WWOX: variants seen among roughly 807,000 people sequenced by gnomAD.
WWOX encodes the protein WW domain containing oxidoreductase, also known as WW domain-containing oxidoreductase.
WWOX carries 69 observed loss-of-function variants against 46.2 expected under a neutral mutation model. That is an observed-to-expected ratio of 1.49 (90% CI 1.23 to 1.82). The LOEUF (loss-of-function observed/expected upper bound fraction) is 1.82, where lower values mean the gene tolerates loss of function less well. Among genes scored for constraint, WWOX ranks in the 40% most tolerant of loss-of-function variants. WWOX has a pLI of 0.00. For synonymous variants in WWOX, 359 were observed against 202.6 expected (o/e 1.77, Z -6.56); for missense variants, 919 against 542.6 (o/e 1.69, Z -6.89).
At chr16:79,100,525 C>T (rs911158166) in intron 8 of WWOX, among the ~76,000 whole-genome samples, 1 of 152,098 alleles carries the variant, frequency 6.6e-6, no homozygotes, top group Admixed American at 6.5e-5. Flanking sequence ...CCTCTGAATA[C>T]CCCGTTAGTT....
chr16:78,851,176 C>G (rs986536747), intron 8 of WWOX, among the ~76,000 whole-genome samples: 1 of 152,150 alleles, frequency 6.6e-6, no homozygotes, highest in Non-Finnish European at 1.5e-5. Context: ...AGAAATTAGA[C>G]TTTGTGAGCC....
chr16:79,132,036 A>C (rs186413967), intron 8 of WWOX, among the ~76,000 whole-genome samples: 4 of 152,170 alleles, frequency 2.6e-5, no homozygotes, highest in African/African-American at 9.6e-5. Context: ...GGTCCCTTCC[A>C]TAACACATGG....
Position 78,910,788 on chromosome 16 carries a change from C to G in WWOX, c.1057-300820C>G, listed in dbSNP as rs528703977. ...ATCACAGAAACAACATGGCAAAGAC[C>G]CATCCCCATGATTCAGTTACCTCTC... On this transcript the variant is annotated intron_variant, in intron 8 of 8. Transcript: ENST00000566780. 1.4e-3 allele frequency among the ~76,000 whole-genome samples: 215 copies of G among 151,812 alleles called. 3 individuals carry two copies. Among genetic ancestry groups the G allele is most frequent in the African/African-American group, 5.0e-3 (206 of 41,464 alleles).
chr16:78,488,647 C>T (rs765242862), intron 8 of WWOX, among the ~76,000 whole-genome samples: 15 of 152,022 alleles, frequency 9.9e-5, no homozygotes, highest in Admixed American at 2.0e-4. Flanking sequence ...GCTCATTAGG[C>T]GTCATCTGAG....
chr16:78,147,175 A>G (rs566678654), intron 4 of WWOX, among the ~76,000 whole-genome samples: 1 of 152,250 alleles, frequency 6.6e-6, no homozygotes, highest in African/African-American at 2.4e-5. Context: ...TATCAGAGAT[A>G]CTTTTAAAAA....
At chr16:78,986,350 T>G (rs915911965) in intron 8 of WWOX, among the ~76,000 whole-genome samples, 1 of 152,226 alleles carries the variant, frequency 6.6e-6, no homozygotes, top group Admixed American at 6.5e-5. Context: ...CAGAGCTTTA[T>G]GAAGGCATAT....
chr16:78,861,782 C>G (rs112936325), intron 8 of WWOX, among the ~76,000 whole-genome samples: 5,088 of 152,218 alleles, frequency 0.033, 109 homozygotes, highest in Middle Eastern at 0.085. Context: ...TGAATAGTTT[C>G]TGTCTTAAAA....
intron 8 of WWOX, among the ~76,000 whole-genome samples, chr16:78,759,905 G>A (rs1309219677): frequency 1.3e-5 from 2 of 152,088 alleles, no homozygotes; most frequent in Admixed American, 1.3e-4. Context: ...TCAGCTCACG[G>A]CCACAGCACT....
chr16:78,674,521 G>A lies in WWOX; in HGVS notation c.1056+241769G>A, dbSNP rs146709342. 6.1e-3 allele frequency among the ~76,000 whole-genome samples: 927 copies of A among 152,104 alleles called. 5 individuals are homozygous for A. Among genetic ancestry groups the A allele is most frequent in the Non-Finnish European group, 0.01 (703 of 68,006 alleles). On this transcript the variant is annotated intron_variant, in intron 8 of 8. Transcript: ENST00000566780. ...GCTGGTCTCAAACTCCTGACGTCAG[G>A]TGATCCACCCTCCTCAGCCTCCCAA...
chr16:78,199,633 T>C (rs1160732752), intron 5 of WWOX, among the ~76,000 whole-genome samples: 1 of 152,170 alleles, frequency 6.6e-6, no homozygotes, highest in East Asian at 1.9e-4. Context: ...AGGTTCTAAA[T>C]CTCCTTAGTG....
At chr16:79,187,443 C>T (rs907172261) in intron 8 of WWOX, among the ~76,000 whole-genome samples, 2 of 152,160 alleles carry the variant, frequency 1.3e-5, no homozygotes, top group Non-Finnish European at 2.9e-5. Context: ...CTCTGTCACC[C>T]AGGCTGGAGT....
chr16:78,863,402 C>G (rs568952111), intron 8 of WWOX, among the ~76,000 whole-genome samples: 2 of 152,306 alleles, frequency 1.3e-5, no homozygotes, highest in South Asian at 2.1e-4. Context: ...CCCTGAGTAT[C>G]TTAGAATCTT....
chr16:78,821,688 C>T (rs575301199), intron 8 of WWOX, among the ~76,000 whole-genome samples: 3 of 152,168 alleles, frequency 2.0e-5, no homozygotes, highest in African/African-American at 7.2e-5. Context: ...AAGACAGAGG[C>T]TCAGGGAACT....
At chr16:78,434,243 T>G (rs2083288340) in intron 8 of WWOX, among the ~76,000 whole-genome samples, 1 of 151,986 alleles carries the variant, frequency 6.6e-6, no homozygotes, top group South Asian at 2.1e-4. Flanking sequence ...GGCAGTGAAG[T>G]GAAAGGACCT....
At chr16:78,675,330 G>A (rs1295207665) in intron 8 of WWOX, among the ~76,000 whole-genome samples, 2 of 152,158 alleles carry the variant, frequency 1.3e-5, no homozygotes, top group Non-Finnish European at 2.9e-5. Context: ...TAAGATTAAT[G>A]TAAAGATTTA....
chr16:79,130,858 G>A (rs35275543), intron 8 of WWOX, among the ~76,000 whole-genome samples: 6,076 of 152,226 alleles, frequency 0.04, 215 homozygotes, highest in Non-Finnish European at 0.05. Flanking sequence ...GAGCTACTGC[G>A]GGTGTGTGAG....
chr16:78,547,154 A>C (rs945470185), intron 8 of WWOX, among the ~76,000 whole-genome samples: 1 of 128,980 alleles, frequency 7.8e-6, no homozygotes, highest in Non-Finnish European at 1.7e-5. Flanking sequence ...AAAAAAAAAA[A>C]AAAAACAACT....
rs1025836411 is a variant in WWOX at position 78,549,280 on chromosome 16, T to A, written c.1056+116528T>A. The stretch of plus-strand genomic sequence containing the variant: ...AGATTCATTCTTCACGTCTCAGATA[T>A]ATAAAGCTTATTTCAAAATAAATTC... On this transcript the variant is annotated intron_variant, in intron 8 of 8. Transcript: ENST00000566780. Among the ~76,000 whole-genome samples, 5 of 152,226 alleles carry A rather than the reference T, an allele frequency of 3.3e-5. No individual in the cohort carries two copies. The South Asian group carries it at 1.0e-3, about 32-fold the overall frequency.
At chr16:78,939,398 T>C (rs1156996047) in intron 8 of WWOX, among the ~76,000 whole-genome samples, 1 of 152,232 alleles carries the variant, frequency 6.6e-6, no homozygotes, top group Non-Finnish European at 1.5e-5. Flanking sequence ...TTTTTGTGCA[T>C]TACTTTTGAT....
Sources: gnomAD v4.1 joint callset for allele counts (sites outside exome capture counted in the v4.1 genomes callset) on GRCh38, gnomAD v4.1.1 for gene constraint, MANE v1.5 for transcripts, NCBI Gene and HGNC (gene_info 2026-07-23, HGNC 2026-07-21) for gene names.